STK39: variants seen among roughly 807,000 people sequenced by gnomAD.
The protein encoded by STK39 is serine/threonine kinase 39.
Under a neutral mutation model 77.8 loss-of-function variants are expected in STK39, and 20 were observed. That is an observed-to-expected ratio of 0.26 (90% CI 0.18 to 0.37). The LOEUF is 0.37. Ranked by LOEUF, STK39 falls within the 10% of genes least tolerant of loss-of-function variation. The pLI, the probability that STK39 is intolerant of heterozygous loss-of-function variation, is 1.00. For missense variants in STK39, 479 were observed against 656.5 expected (o/e 0.73, Z 2.95); for synonymous variants, 246 against 234.1 (o/e 1.05, Z -0.47).
intron 2 of STK39, among the ~76,000 whole-genome samples, chr2:168,179,395 T>C (rs1436085895): frequency 2.0e-5 from 3 of 152,198 alleles, no homozygotes; most frequent in African/African-American, 7.2e-5. Flanking sequence ...CTGTAAATTC[T>C]ATTTATTTTT....
At chr2:168,173,535 G>T (rs148587079) in intron 2 of STK39, among the ~76,000 whole-genome samples, 1 of 147,070 alleles carries the variant, frequency 6.8e-6, no homozygotes, top group East Asian at 2.1e-4. Context: ...ATGTCATTGT[G>T]AATTTTTTTA....
At chr2:168,082,903 C>T (rs1254800409) in intron 10 of STK39, among the ~76,000 whole-genome samples, 1 of 152,154 alleles carries the variant, frequency 6.6e-6, no homozygotes. Flanking sequence ...TAGTTAATGC[C>T]TTTGAATCTC....
chr2:168,195,536 T>C (rs928402914), intron 1 of STK39, among the ~76,000 whole-genome samples: 6 of 152,258 alleles, frequency 3.9e-5, no homozygotes, highest in Admixed American at 6.5e-5. Flanking sequence ...TGTAGCCTAC[T>C]AGCTACAGTA....
At chr2:168,216,084 A>G (rs927602181) in intron 1 of STK39, among the ~76,000 whole-genome samples, 1 of 152,220 alleles carries the variant, frequency 6.6e-6, no homozygotes, top group African/African-American at 2.4e-5. Flanking sequence ...CAATGTGAGG[A>G]GAAACCTCAC....
intron 1 of STK39, among the ~76,000 whole-genome samples, chr2:168,246,484 G>C (rs372909052): frequency 6.6e-6 from 1 of 152,374 alleles, no homozygotes; most frequent in African/African-American, 2.4e-5. Flanking sequence ...CTGAAACAGA[G>C]GGAAGCATCG....
At position 168,069,693 on chromosome 2, in the gene STK39, G is replaced by T. The variant is rs188136664; in HGVS notation, c.1243-4312C>A. On this transcript the variant is annotated intron_variant, in intron 12 of 17. Coordinates refer to ENST00000355999, the MANE Select transcript of STK39 (RefSeq NM_013233.3). Reference sequence around the variant, plus strand: ...TGTGCAGTTTTCCTAGCCAGTCCTTGATCCTAGCTGTGAATCAGAATCCTG... The same window carrying T: ...TGTGCAGTTTTCCTAGCCAGTCCTTTATCCTAGCTGTGAATCAGAATCCTG... 2.4e-3 allele frequency among the ~76,000 whole-genome samples: 372 copies of T among 152,352 alleles called. 3 individuals are homozygous for T. Among genetic ancestry groups the T allele is most frequent in the African/African-American group, 8.6e-3 (356 of 41,590 alleles).
At chr2:168,239,869 G>C (rs1690715485) in intron 1 of STK39, among the ~76,000 whole-genome samples, 1 of 152,330 alleles carries the variant, frequency 6.6e-6, no homozygotes, top group Non-Finnish European at 1.5e-5. Context: ...AGGGGGGAGG[G>C]GGGCTCTAGA....
chr2:168,247,574 G>GCCGTC lies in STK39; in HGVS notation c.-140_-139insGACGG. The GCCGTC allele has an allele frequency of 3.1e-6, 2 of 649,330 alleles. No individual in the cohort carries two copies. The highest frequency in any genetic ancestry group is 4.0e-6 in the Non-Finnish European group (2 of 496,606). 40.2% of individuals were successfully genotyped at this position (649,330 alleles called of 1,614,324 possible). The stretch of plus-strand genomic sequence containing the variant: ...CGCCGCCGCCGCCGTCCCCGCCGAA[G>GCCGTC]CCAGCTAGGAGGGGAGGGAGCAAGG... On this transcript the variant is annotated 5_prime_UTR_variant, in exon 1 of 18. Coordinates refer to ENST00000355999, the MANE Select transcript of STK39 (RefSeq NM_013233.3).
chr2:168,007,396 G>A (rs72885781), intron 16 of STK39, among the ~76,000 whole-genome samples: 8,923 of 152,168 alleles, frequency 0.059, 420 homozygotes, highest in East Asian at 0.18. Context: ...AATGTTTATG[G>A]AGGGCCTACT....
At chr2:168,131,525 G>T (rs1687697178) in intron 8 of STK39, among the ~76,000 whole-genome samples, 1 of 152,144 alleles carries the variant, frequency 6.6e-6, no homozygotes, top group South Asian at 2.1e-4. Flanking sequence ...GTCATTACGT[G>T]CATCAGTACA....
At chr2:168,241,721 C>T (rs149159157) in intron 1 of STK39, among the ~76,000 whole-genome samples, 1 of 152,366 alleles carries the variant, frequency 6.6e-6, no homozygotes, top group African/African-American at 2.4e-5. Flanking sequence ...GTGTTCTCTC[C>T]TGATAACTTG....
At chr2:168,098,961 A>T (rs1686747170) in intron 10 of STK39, among the ~76,000 whole-genome samples, 2 of 152,204 alleles carry the variant, frequency 1.3e-5, no homozygotes, top group Non-Finnish European at 2.9e-5. Context: ...CTCCTTAGGA[A>T]GCTCACTCTT....
intron 10 of STK39, among the ~76,000 whole-genome samples, chr2:168,109,474 C>T (rs564540072): frequency 1.6e-4 from 25 of 152,290 alleles, no homozygotes; most frequent in Middle Eastern, 3.4e-3. Context: ...TACTCATTCT[C>T]CTCTGGGCTA....
At chr2:167,977,639 T>C (rs1470396207) in intron 16 of STK39, among the ~76,000 whole-genome samples, 1 of 152,104 alleles carries the variant, frequency 6.6e-6, no homozygotes. Context: ...GTACTTTGTT[T>C]CTTTGAAAAT....
intron 16 of STK39, among the ~76,000 whole-genome samples, chr2:167,994,960 G>A (rs2105287982): frequency 6.6e-6 from 1 of 151,958 alleles, no homozygotes; most frequent in East Asian, 1.9e-4. Context: ...TATTTTAAGA[G>A]GAGTTGCAAA....
intron 16 of STK39, among the ~76,000 whole-genome samples, chr2:167,975,600 G>T (rs180926308): frequency 6.6e-6 from 1 of 152,170 alleles, no homozygotes; most frequent in African/African-American, 2.4e-5. Context: ...CGGATCATGA[G>T]GTCAGGAGAT....
chr2:168,176,715 A>C (rs12620239), intron 2 of STK39, among the ~76,000 whole-genome samples: 42,777 of 151,972 alleles, frequency 0.28, 6,966 homozygotes, highest in East Asian at 0.56. Flanking sequence ...AAAGCAGATG[A>C]CAGTTGAAGA....
At chr2:168,121,624 C>T (rs1440972394) in intron 10 of STK39, among the ~76,000 whole-genome samples, 1 of 152,224 alleles carries the variant, frequency 6.6e-6, no homozygotes, top group Non-Finnish European at 1.5e-5. Context: ...AACGGCAATG[C>T]AGAAACAACC....
chr2:168,132,108 G>T (rs557908303), intron 8 of STK39, among the ~76,000 whole-genome samples: 67 of 152,252 alleles, frequency 4.4e-4, no homozygotes, highest in African/African-American at 1.2e-3. Context: ...CTTTACATTG[G>T]ACTCAGAAAT....
Sources: allele counts gnomAD v4.1 joint callset (sites outside exome capture counted in the v4.1 genomes callset), GRCh38; gene constraint gnomAD v4.1.1; transcripts MANE v1.5; gene names NCBI Gene and HGNC (gene_info 2026-07-23, HGNC 2026-07-21).